Variants in HSPA5 observed in about 807,000 individuals in gnomAD.
HSPA5 encodes heat shock protein family A (Hsp70) member 5, also known as endoplasmic reticulum chaperone BiP.
HSPA5 carries 16 observed loss-of-function variants against 49.5 expected under a neutral mutation model. The observed-to-expected ratio is 0.32, with a 90% CI of 0.22 to 0.49. The LOEUF is 0.49. HSPA5 is among the 20% of genes least tolerant of loss of function. HSPA5 has a pLI of 0.99. For synonymous variants in HSPA5, 271 were observed against 307.2 expected (o/e 0.88, Z 1.23); for missense variants, 376 against 819.0 (o/e 0.46, Z 6.60).
intron 7 of HSPA5, 152 bp from the exon 8 acceptor site, chr9:125,237,306 G>C (rs1332569383): frequency 1.6e-6 from 1 of 617,102 alleles, no homozygotes; most frequent in Non-Finnish European, 2.9e-6. Flanking sequence ...GCAGCAACTA[G>C]TACTAACAAT....
At position 125,238,674 on chromosome 9, in the gene HSPA5, G is replaced by T. The variant is rs1832526279; in HGVS notation, c.1150C>A (p.Pro384Thr). 3 of 1,614,184 alleles carry T rather than the reference G, an allele frequency of 1.9e-6. No individual in the cohort carries two copies. Among genetic ancestry groups the T allele is most frequent in the African/African-American group, 1.3e-5 (1 of 75,052 alleles). Residue 384 changes from proline to threonine, a missense_variant, in exon 6 of 8, where the codon CCA becomes ACA. Coordinates refer to ENST00000324460, the MANE Select transcript of HSPA5 (RefSeq NM_005347.5). ...TCATCTGGGTTTATGCCACGGGATG[G>T]TTCCTTGCCATTGAAGAACTCTTTA... Reference protein sequence around the residue: ...LVKEFFNGKEPSRGINPDEAV... With the variant: ...LVKEFFNGKETSRGINPDEAV...
rs929154427 is a variant in HSPA5, at chr9:125,236,416, A to G, written c.*176T>C. On this transcript the variant is annotated 3_prime_UTR_variant, in exon 8 of 8. Coordinates refer to ENST00000324460, the MANE Select transcript of HSPA5 (RefSeq NM_005347.5). ...TTCTTCTTCTCCCCCCCACCCAAAG[A>G]CATGTGAGCAACTGCTAATGAAAAG... is the stretch of plus-strand genomic sequence containing the variant. 4 of 504,492 alleles carry G rather than the reference A, an allele frequency of 7.9e-6. No individual in the cohort carries two copies. In the African/African-American group the frequency reaches 8.0e-5, roughly 10 times the overall value. 31.3% of individuals were successfully genotyped at this position (504,492 alleles called of 1,614,324 possible). A position where few individuals can be genotyped will look rare whatever the true frequency, so the allele number is the denominator to read the frequency against.
Position 125,239,115 on chromosome 9 carries a change from C to T in HSPA5, c.822G>A (p.Thr274=), listed in dbSNP as rs939234034. 10 of 1,613,962 alleles carry T rather than the reference C, an allele frequency of 6.2e-6. No homozygotes were observed. In the African/African-American group the frequency reaches 6.7e-5, roughly 11 times the overall value. The change falls in exon 5 of 8, where the codon ACG becomes ACA. Residue 274 remains threonine (T), a synonymous_variant. Coordinates refer to ENST00000324460, the MANE Select transcript of HSPA5 (RefSeq NM_005347.5). The surrounding 1 kb of genome is among the most constrained non-coding windows in gnomAD (Gnocchi z 5.5). ...EHFIKLYKKK[T]GKDVRKDNRA... ...TATTGTCTTTCCTGACATCTTTGCCCGTCTTCTTTTTGTACAGTTTGATGA... is the reference window on the plus strand; with the variant it reads ...TATTGTCTTTCCTGACATCTTTGCCTGTCTTCTTTTTGTACAGTTTGATGA...
At chr9:125,237,463 C>A (rs1832512022) in intron 7 of HSPA5, among the ~76,000 whole-genome samples, 2 of 151,992 alleles carry the variant, frequency 1.3e-5, no homozygotes, top group Admixed American at 1.3e-4. Flanking sequence ...CTGTAATAAT[C>A]CCAGTACTTT....
rs2067454229 is a variant in HSPA5, at chr9:125,237,244, G to A, written c.1403-90C>T. The A allele has an allele frequency of 3.1e-6, 3 of 963,960 alleles. No homozygotes were observed. In the East Asian group the frequency reaches 7.6e-5, roughly 24 times the overall value. 59.7% of individuals were successfully genotyped at this position (963,960 alleles called of 1,614,324 possible). A position where few individuals can be genotyped will look rare whatever the true frequency, so the allele number is the denominator to read the frequency against. On this transcript the variant is annotated intron_variant, in intron 7 of 7. Transcript: ENST00000324460. ...CGCATTTCAGTCTGAAGCATAAAGT[G>A]ACACTTTTGGTTTTATCGAGCTAAA...
Position 125,239,876 on chromosome 9 carries a change from A to T in HSPA5, c.492+296T>A, listed in dbSNP as rs2131454582. Among the ~76,000 whole-genome samples the T allele has an allele frequency of 6.6e-6, 1 of 152,186 alleles. No individual in the cohort carries two copies. The highest frequency in any genetic ancestry group is 1.5e-5 in the Non-Finnish European group (1 of 67,996). ...GCAGTCCAGCCTGGGCAACAGAGCA[A>T]GACTCCATCTCAAAAAAAAAAAATT... On this transcript the variant is annotated intron_variant, in intron 3 of 7. Transcript: ENST00000324460. The surrounding 1 kb of genome is among the most constrained non-coding windows in gnomAD (Gnocchi z 5.5).
Position 125,238,028 on chromosome 9 carries a change from G to T in HSPA5, c.1402+113C>A, listed in dbSNP as rs1228777955. On this transcript the variant is annotated intron_variant, in intron 7 of 7. Coordinates refer to ENST00000324460, the MANE Select transcript of HSPA5 (RefSeq NM_005347.5). The stretch of plus-strand genomic sequence containing the variant: ...GAGGCAGGAGAATCACTTGAACCCG[G>T]GAGACAGAATTTGCAGTGAGCCGAG... 5.1e-6 allele frequency: 4 copies of T among 783,312 alleles called. No homozygotes were observed. The African/African-American group carries it at 5.2e-5, about 10-fold the overall frequency. 48.5% of individuals were successfully genotyped at this position (783,312 alleles called of 1,614,324 possible). A position where few individuals can be genotyped will look rare whatever the true frequency, so the allele number is the denominator to read the frequency against.
rs777435502 is a variant in HSPA5 at position 125,239,292 on chromosome 9, C to A, written c.645G>T (p.Glu215Asp). The change falls in exon 5 of 8, where the codon GAG becomes GAT. Residue 215 changes from glutamate (E) to aspartate (D), a missense_variant. Physicochemically the swap from Glu to Asp is conservative, Grantham distance 45 (BLOSUM62 2). Around this residue, in one of 8 missense-constraint regions of HSPA5, gnomAD observed 89 missense variants for 200.0 expected, o/e 0.44. Transcript: ENST00000324460. The surrounding 1 kb of genome is among the most constrained non-coding windows in gnomAD (Gnocchi z 5.5). ...CAAACACCAGGATGTTCTTCTCCCC[C>A]TCCCTCTTATCCAGGCCATAAGCAA... ...AAIAYGLDKR[E>D]GEKNILVFDL... is the part of the protein sequence containing the mutation. 12 of 1,613,822 alleles carry A rather than the reference C, an allele frequency of 7.4e-6. No individual in the cohort carries two copies. The highest frequency in any genetic ancestry group is 1.0e-5 in the Non-Finnish European group (12 of 1,179,794).
rs868810999 is a variant in HSPA5 at position 125,234,918 on chromosome 9, C to T, written c.*1674G>A. The T allele has an allele frequency of 2.0e-5, 3 of 152,056 alleles. No homozygotes were observed. Among genetic ancestry groups the T allele is most frequent in the Non-Finnish European group, 4.4e-5 (3 of 68,016 alleles). 9.4% of individuals were successfully genotyped at this position (152,056 alleles called of 1,614,324 possible). A position where few individuals can be genotyped will look rare whatever the true frequency, so the allele number is the denominator to read the frequency against. On this transcript the variant is annotated 3_prime_UTR_variant, in exon 8 of 8. Transcript: ENST00000324460. ...AAAGAGTTACAGACTAGGTGGTCCA[C>T]GGTAGTGAGAGCCTTTGAGGTAAGG...
chr9:125,238,936 C>T lies in HSPA5; in HGVS notation c.996+5G>A. 1 of 1,606,126 alleles carries T rather than the reference C, an allele frequency of 6.2e-7. No homozygotes were observed. The highest frequency in any genetic ancestry group is 8.5e-7 in the Non-Finnish European group (1 of 1,176,094). On this transcript the variant is annotated splice_donor_5th_base_variant and intron_variant, in intron 5 of 7. Transcript: ENST00000324460. ...CATTAGCAAAGCAGAAAACAAGGAACATACCATGTTGAGCTCTTCAAATTT... is the reference window on the plus strand; with the variant it reads ...CATTAGCAAAGCAGAAAACAAGGAATATACCATGTTGAGCTCTTCAAATTT...
chr9:125,238,286 T>C lies in HSPA5; in HGVS notation c.1257A>G (p.Val419=). Residue 419 remains valine, a synonymous_variant, in exon 7 of 8, where the codon GTA becomes GTG. Transcript: ENST00000324460. The stretch of plus-strand genomic sequence containing the variant: ...TTTCAATACCAAGTGTAAGGGGACA[T>C]ACATCAAGCAGTACCAGGTCACCTG... The part of the protein sequence containing the change: ...QDTGDLVLLD[V]CPLTLGIETV... The C allele has an allele frequency of 6.2e-7, 1 of 1,614,008 alleles. No individual in the cohort carries two copies. Among genetic ancestry groups the C allele is most frequent in the Non-Finnish European group, 8.5e-7 (1 of 1,179,908 alleles).
chr9:125,238,251 C>T lies in HSPA5; in HGVS notation c.1292G>A (p.Gly431Asp). The change falls in exon 7 of 8, where the codon GGT (glycine) becomes GAT (aspartate). Residue 431 changes from glycine to aspartate, a missense_variant. Transcript: ENST00000324460. ...PLTLGIETVGGVMTKLIPRNT... is the reference protein window; with the variant it reads ...PLTLGIETVGDVMTKLIPRNT... ...CCTTGGAATCAGTTTGGTCATGACACCTCCCACAGTTTCAATACCAAGTGT... is the reference window on the plus strand; with the variant it reads ...CCTTGGAATCAGTTTGGTCATGACATCTCCCACAGTTTCAATACCAAGTGT... The T allele has an allele frequency of 1.2e-6, 2 of 1,613,948 alleles. No individual in the cohort carries two copies. The highest frequency in any genetic ancestry group is 1.7e-6 in the Non-Finnish European group (2 of 1,179,824).
At chr9:125,237,205 C>T in intron 7 of HSPA5, 51 bp from the exon 8 acceptor site, 1 of 1,309,426 alleles carries the variant, frequency 7.6e-7, no homozygotes, top group Non-Finnish European at 1.1e-6. Context: ...CAAGCATTAG[C>T]ACATCTAGAT....
chr9:125,241,094 C>T lies in HSPA5; in HGVS notation c.33G>A (p.Leu11=), dbSNP rs1176046991. The part of the protein sequence containing the change: MKLSLVAAML[L]LLSAARAEEE... ...CCTCGGCCCGCGCCGCGCTGAGCAGCAGCAGCATCGCGGCCACCAGGGAGA... is the reference window on the plus strand; with the variant it reads ...CCTCGGCCCGCGCCGCGCTGAGCAGTAGCAGCATCGCGGCCACCAGGGAGA... Residue 11 remains leucine, a synonymous_variant, in exon 1 of 8, where the codon CTG becomes CTA. Coordinates refer to ENST00000324460, the MANE Select transcript of HSPA5 (RefSeq NM_005347.5). 5 of 1,613,404 alleles carry T rather than the reference C, an allele frequency of 3.1e-6. No homozygotes were observed. Among genetic ancestry groups the T allele is most frequent in the Admixed American group, 3.3e-5 (2 of 59,984 alleles).
At position 125,241,342 on chromosome 9, in the gene HSPA5, T is replaced by TCGACCTCACCGTCGC. The variant is rs1323558479; in HGVS notation, c.-217_-216insGCGACGGTGAGGTCG. ...TCTGTCTGTGCTGTCTTGGCCGGCG[T>TCGACCTCACCGTCGC]CGACCTCACCGTCGCCTACTCGGCT... is the stretch of plus-strand genomic sequence containing the variant. On this transcript the variant is annotated 5_prime_UTR_variant, in exon 1 of 8. Transcript: ENST00000324460. 2 of 576,650 alleles carry TCGACCTCACCGTCGC rather than the reference T, an allele frequency of 3.5e-6. No homozygotes were observed. Among genetic ancestry groups the TCGACCTCACCGTCGC allele is most frequent in the Non-Finnish European group, 6.0e-6 (2 of 334,686 alleles). The allele number at this position is 576,650 out of a possible 1,614,324, so 35.7% of individuals were successfully genotyped here.
chr9:125,237,167 T>A lies in HSPA5; in HGVS notation c.1403-13A>T, dbSNP rs540586625. 1.3e-6 allele frequency: 2 copies of A among 1,582,826 alleles called. No homozygotes were observed. The highest frequency in any genetic ancestry group is 1.7e-6 in the Non-Finnish European group (2 of 1,161,830). On this transcript the variant is annotated splice_polypyrimidine_tract_variant and intron_variant, in intron 7 of 7. Transcript: ENST00000324460. Reference sequence around the variant, plus strand: ...AGGGGTCTTTCACCTAGAAGTTACATACAGAAAAACTTGTTAGTTGTTACT... The same window carrying A: ...AGGGGTCTTTCACCTAGAAGTTACAAACAGAAAAACTTGTTAGTTGTTACT...
At position 125,240,313 on chromosome 9, in the gene HSPA5, T is replaced by C. The variant is rs757829333; in HGVS notation, c.355-4A>G. On this transcript the variant is annotated splice_polypyrimidine_tract_variant and splice_region_variant and intron_variant, in intron 2 of 7. Coordinates refer to ENST00000324460, the MANE Select transcript of HSPA5 (RefSeq NM_005347.5). The surrounding 1 kb of genome is among the most constrained non-coding windows in gnomAD (Gnocchi z 4.4). The stretch of plus-strand genomic sequence containing the variant: ...GTTTAGTTTTCTTTTCAACCACCTA[T>C]TTTAAAGAATTATTGTTTTCAGACA... 6.3e-7 allele frequency: 1 copy of C among 1,595,950 alleles called. No individual in the cohort carries two copies. The highest frequency in any genetic ancestry group is 8.5e-7 in the Non-Finnish European group (1 of 1,171,470).
In HSPA5 at chr9:125,241,177, C is replaced by G. The variant is rs775325555; in HGVS notation, c.-51G>C. The G allele has an allele frequency of 1.3e-6, 2 of 1,565,146 alleles. No homozygotes were observed. Among genetic ancestry groups the G allele is most frequent in the Non-Finnish European group, 8.6e-7 (1 of 1,159,278 alleles). ...GGCAGTCCAGCCACAGGCCGTAGCACAGGAGCACAGCGCAATTTCCGACTT... is the reference window on the plus strand; with the variant it reads ...GGCAGTCCAGCCACAGGCCGTAGCAGAGGAGCACAGCGCAATTTCCGACTT... On this transcript the variant is annotated 5_prime_UTR_variant, in exon 1 of 8. Transcript: ENST00000324460.
rs1295196113 is a variant in HSPA5, at chr9:125,240,982, C to T, written c.122+23G>A. On this transcript the variant is annotated intron_variant, in intron 1 of 7. Coordinates refer to ENST00000324460, the MANE Select transcript of HSPA5 (RefSeq NM_005347.5). The surrounding 1 kb of genome is among the most constrained non-coding windows in gnomAD (Gnocchi z 4.4). ...AGGCCAGGCGGCCACGCCCCGTCCCCCTGCATCCGCAACCCCACTTACCAG... is the reference window on the plus strand; with the variant it reads ...AGGCCAGGCGGCCACGCCCCGTCCCTCTGCATCCGCAACCCCACTTACCAG... The T allele has an allele frequency of 6.2e-7, 1 of 1,611,688 alleles. No homozygotes were observed. The highest frequency in any genetic ancestry group is 2.2e-5 in the East Asian group (1 of 44,878).
Sources: gnomAD v4.1 joint callset for allele counts (sites outside exome capture counted in the v4.1 genomes callset) on GRCh38, gnomAD v4.1.1 for gene constraint, gnomAD v4.1.1 regional missense constraint, Gnocchi (gnomAD v3.1) non-coding constraint, MANE v1.5 for transcripts, NCBI Gene and HGNC (gene_info 2026-07-23, HGNC 2026-07-21) for gene names.